AKAP9: variants seen among roughly 807,000 people sequenced by gnomAD.
AKAP9 encodes A-kinase anchor protein 9.
AKAP9 carries 311 observed loss-of-function variants against 488.5 expected under a neutral mutation model. That is an observed-to-expected ratio of 0.64 (90% CI 0.58 to 0.70). The LOEUF (loss-of-function observed/expected upper bound fraction) is 0.70, where lower values mean the gene tolerates loss of function less well. AKAP9 is among the 30% of genes least tolerant of loss of function. The pLI is 0.00. For synonymous variants in AKAP9, 1,462 were observed against 1,483.5 expected, an observed-to-expected ratio of 0.99 and a Z score of 0.33; for missense variants, 4,215 against 4,374.5, an observed-to-expected ratio of 0.96 and a Z score of 1.03.
intron 28 of AKAP9, among the ~76,000 whole-genome samples, chr7:92,074,265 A>C (rs1350429011): frequency 6.6e-6 from 1 of 152,222 alleles, no homozygotes; most frequent in Non-Finnish European, 1.5e-5. Context: ...ATACGAAGAA[A>C]AGCTCATCAT....
chr7:91,970,834 T>C (rs1218475652), intron 1 of AKAP9, among the ~76,000 whole-genome samples: 2 of 152,220 alleles, frequency 1.3e-5, no homozygotes, highest in African/African-American at 4.8e-5. Context: ...AGTAATCTTT[T>C]TTGGGTCAAA....
chr7:92,064,994 A>G (rs888593194), intron 24 of AKAP9, among the ~76,000 whole-genome samples: 5 of 151,848 alleles, frequency 3.3e-5, no homozygotes, highest in Non-Finnish European at 7.4e-5. Context: ...TTTCAGTGAC[A>G]GGACATATTT....
chr7:91,995,837 A>G (rs1217829191), intron 7 of AKAP9, 37 bp downstream of exon 7: 8 of 1,503,136 alleles, frequency 5.3e-6, no homozygotes, highest in Non-Finnish European at 6.3e-6. Flanking sequence ...AACTTGTAGA[A>G]GCTTTAGAGT....
chr7:92,010,709 A>G (rs1800624464), intron 8 of AKAP9, among the ~76,000 whole-genome samples: 1 of 152,152 alleles, frequency 6.6e-6, no homozygotes, highest in Non-Finnish European at 1.5e-5. Context: ...GCTGGAGTAC[A>G]GTGGCATGAT....
At chr7:92,071,228 A>T (rs1183389885) in intron 28 of AKAP9, among the ~76,000 whole-genome samples, 1 of 152,194 alleles carries the variant, frequency 6.6e-6, no homozygotes, top group Admixed American at 6.5e-5. Context: ...AGCCAGTGTA[A>T]AGGCCTTGAA....
chr7:92,015,307 A>G (rs1801355387), intron 10 of AKAP9, among the ~76,000 whole-genome samples: 1 of 152,132 alleles, frequency 6.6e-6, no homozygotes, highest in Non-Finnish European at 1.5e-5. Context: ...AACGCGTCAA[A>G]TATTTTCAAT....
Position 92,037,410 on chromosome 7 carries a change from A to T in AKAP9, c.4339-1009A>T, listed in dbSNP as rs1009328049. Among the ~76,000 whole-genome samples the T allele has an allele frequency of 5.7e-4, 87 of 152,256 alleles. 1 individual carries two copies. Among genetic ancestry groups the T allele is most frequent in the Admixed American group, 2.0e-4 (3 of 15,290 alleles). Reference sequence around the variant, plus strand: ...AAAGTTCAGTTATATGACCTGGACCAGCAAGGAAAATAATGCTGCAGATCA... The same window carrying T: ...AAAGTTCAGTTATATGACCTGGACCTGCAAGGAAAATAATGCTGCAGATCA... On this transcript the variant is annotated intron_variant, in intron 16 of 49. Transcript: ENST00000356239.
intron 10 of AKAP9, among the ~76,000 whole-genome samples, chr7:92,015,148 T>A (rs1023484710): frequency 6.6e-6 from 1 of 152,212 alleles, no homozygotes; most frequent in African/African-American, 2.4e-5. Context: ...AACAATTTGA[T>A]TTTTAAGTCT....
Position 92,040,567 on chromosome 7 carries a change from A to G in AKAP9, c.4693-107A>G, listed in dbSNP as rs994638082. The G allele has an allele frequency of 1.8e-4, 137 of 769,736 alleles. No individual in the cohort carries two copies. In the East Asian group the frequency reaches 3.6e-3, roughly 20 times the overall value. The allele number at this position is 769,736 out of a possible 1,614,324, so 47.7% of individuals were successfully genotyped here. A position where few individuals can be genotyped will look rare whatever the true frequency, so the allele number is the denominator to read the frequency against. ...AATAAAATATCACATGCTTTATGGG[A>G]TAAGGAATAGAATTGCTTTCGTATT... On this transcript the variant is annotated intron_variant, in intron 17 of 49. Coordinates refer to ENST00000356239, the MANE Select transcript of AKAP9 (RefSeq NM_005751.5).
At chr7:91,974,260 A>G (rs1447494247) in intron 2 of AKAP9, among the ~76,000 whole-genome samples, 1 of 152,228 alleles carries the variant, frequency 6.6e-6, no homozygotes, top group Non-Finnish European at 1.5e-5. Context: ...TCTAGTGGAG[A>G]AGGCAGACTT....
At chr7:92,006,877 T>C (rs542237894) in intron 8 of AKAP9, among the ~76,000 whole-genome samples, 3 of 152,270 alleles carry the variant, frequency 2.0e-5, no homozygotes, top group African/African-American at 7.2e-5. Flanking sequence ...AAGATGATTA[T>C]TAGAATCAAA....
intron 8 of AKAP9, among the ~76,000 whole-genome samples, chr7:92,008,350 GAAAA>G (rs997897477): frequency 1.4e-5 from 2 of 147,960 alleles, no homozygotes; most frequent in Non-Finnish European, 3.0e-5. Flanking sequence ...CTAGGCGACA[GAAAA>G]AAAGAAAAGA....
intron 3 of AKAP9, among the ~76,000 whole-genome samples, chr7:91,985,557 A>G (rs1796963839): frequency 6.6e-6 from 1 of 151,888 alleles, no homozygotes; most frequent in Non-Finnish European, 1.5e-5. Context: ...TTAATCAGGG[A>G]TATTGGTCTA....
At chr7:92,093,902 G>A (rs1816078835) in intron 39 of AKAP9, among the ~76,000 whole-genome samples, 1 of 151,828 alleles carries the variant, frequency 6.6e-6, no homozygotes, top group Admixed American at 6.6e-5. Context: ...CCAGACTGGA[G>A]TGCAATGGCA....
At chr7:92,080,355 T>C (rs560197418) in intron 31 of AKAP9, among the ~76,000 whole-genome samples, 1 of 152,166 alleles carries the variant, frequency 6.6e-6, no homozygotes, top group South Asian at 2.1e-4. Flanking sequence ...TCCCAGCACT[T>C]TGGGAGGCCG....
At chr7:91,958,371 C>T (rs1471358953) in intron 1 of AKAP9, among the ~76,000 whole-genome samples, 1 of 152,104 alleles carries the variant, frequency 6.6e-6, no homozygotes, top group Non-Finnish European at 1.5e-5. Flanking sequence ...TTTACATAAA[C>T]TGTGCAGTGT....
intron 37 of AKAP9, among the ~76,000 whole-genome samples, chr7:92,087,642 C>T (rs898834793): frequency 1.3e-5 from 2 of 151,804 alleles, no homozygotes; most frequent in Admixed American, 1.3e-4. Context: ...TCTTGTAGAA[C>T]TGATGATTCT....
Position 92,031,518 on chromosome 7 carries a change from G to A in AKAP9, c.4252G>A (p.Gly1418Ser), listed in dbSNP as rs766073935. The A allele has an allele frequency of 2.5e-6, 4 of 1,608,928 alleles. No homozygotes were observed. In the South Asian group the frequency reaches 3.3e-5, roughly 13 times the overall value. Residue 1418 changes from glycine to serine, a missense_variant, in exon 16 of 50, where the codon GGT becomes AGT. Physicochemically the swap from Gly to Ser is moderately conservative, Grantham distance 56. Coordinates refer to ENST00000356239, the MANE Select transcript of AKAP9 (RefSeq NM_005751.5). ...KNIDGTIEFS[G>S]EFGVKEETNI... ...ATTTTGCTTTTAAATGTAGTTTTCTGGTGAATTTGGAGTGAAAGAGGAAAC... is the reference window on the plus strand; with the variant it reads ...ATTTTGCTTTTAAATGTAGTTTTCTAGTGAATTTGGAGTGAAAGAGGAAAC...
chr7:92,102,238 A>G (rs990124430), intron 45 of AKAP9, among the ~76,000 whole-genome samples: 1 of 150,726 alleles, frequency 6.6e-6, no homozygotes, highest in Admixed American at 6.6e-5. Flanking sequence ...ATAGCTCTGT[A>G]CAATTAAAAA....
Sources: gnomAD v4.1 joint callset for allele counts (sites outside exome capture counted in the v4.1 genomes callset) on GRCh38, gnomAD v4.1.1 for gene constraint, MANE v1.5 for transcripts, NCBI Gene and HGNC (gene_info 2026-07-23, HGNC 2026-07-21) for gene names.